KBTBD8: variants seen among roughly 807,000 people sequenced by gnomAD.
The protein encoded by KBTBD8 is kelch repeat and BTB domain-containing protein 8.
A neutral mutation model predicts 53.5 loss-of-function variants in KBTBD8; 31 were observed. The ratio of observed to expected loss-of-function variants is 0.58; its 90% confidence interval spans 0.44 to 0.78. The LOEUF is 0.78. Ranked by LOEUF, KBTBD8 falls within the 30% of genes least tolerant of loss-of-function variation. KBTBD8 has a pLI of 0.00. For synonymous variants in KBTBD8, 250 were observed against 247.3 expected (o/e 1.01, Z -0.10); for missense variants, 642 against 735.8 (o/e 0.87, Z 1.48).
Position 67,003,624 on chromosome 3 carries a change from G to A in KBTBD8, c.657G>A (p.Arg219=), listed in dbSNP as rs921616115. 1 of 1,613,958 alleles carries A rather than the reference G, an allele frequency of 6.2e-7. No individual in the cohort carries two copies. The highest frequency in any genetic ancestry group is 8.5e-7 in the Non-Finnish European group (1 of 1,179,990). ...AGCATGTTTATGAAAGCATTATAAG[G>A]TGGTTTGAGCATGAACAGAATGAAA... ...REEHVYESII[R]WFEHEQNERE... Residue 219 remains arginine, a synonymous_variant, in exon 3 of 4, where the codon AGG becomes AGA. Transcript: ENST00000417314.
Position 67,007,935 on chromosome 3 carries a change from C to A in KBTBD8, c.1356C>A (p.Leu452=). 6.9e-7 allele frequency: 1 copy of A among 1,451,916 alleles called. No individual in the cohort carries two copies. Among genetic ancestry groups the A allele is most frequent in the Non-Finnish European group, 9.1e-7 (1 of 1,093,136 alleles). The allele number at this position is 1,451,916 out of a possible 1,614,324, so 89.9% of individuals were successfully genotyped here. The change falls in exon 4 of 4, where the codon CTC becomes CTA. Residue 452 remains leucine, a synonymous_variant. Transcript: ENST00000417314. ...KIYVLQGEFF[L]FYEPQKDYWG... ...TTTTTTTTTTAGGAGAATTTTTTCTCTTCTATGAGCCTCAAAAAGACTACT... is the reference window on the plus strand; with the variant it reads ...TTTTTTTTTTAGGAGAATTTTTTCTATTCTATGAGCCTCAAAAAGACTACT...
At chr3:67,005,445 A>T (rs1459935704) in intron 3 of KBTBD8, among the ~76,000 whole-genome samples, 1 of 152,210 alleles carries the variant, frequency 6.6e-6, no homozygotes, top group Non-Finnish European at 1.5e-5. Flanking sequence ...AGTACTCAGT[A>T]CAGTCACATG....
Position 67,009,734 on chromosome 3 carries a change from T to C in KBTBD8, c.*1349T>C. 6.6e-6 allele frequency: 1 copy of C among 152,610 alleles called. No homozygotes were observed. The highest frequency in any genetic ancestry group is 1.5e-5 in the Non-Finnish European group (1 of 68,022). 9.5% of individuals were successfully genotyped at this position (152,610 alleles called of 1,614,324 possible). A position where few individuals can be genotyped will look rare whatever the true frequency, so the allele number is the denominator to read the frequency against. On this transcript the variant is annotated 3_prime_UTR_variant, in exon 4 of 4. Transcript: ENST00000417314. ...TAACATGAAGGATAAACCAACTTAT[T>C]TGTATACCTAAGGCAGGCATTTGGA...
intron 3 of KBTBD8, 27 bp from the exon 4 acceptor site, chr3:67,007,895 T>G: frequency 7.5e-7 from 1 of 1,332,484 alleles, no homozygotes; most frequent in Non-Finnish European, 1.0e-6. Flanking sequence ...AATTTACATA[T>G]TCTTGTTTTC....
chr3:67,004,803 T>G (rs543467922), intron 3 of KBTBD8, among the ~76,000 whole-genome samples: 47 of 152,342 alleles, frequency 3.1e-4, no homozygotes, highest in African/African-American at 1.1e-3. Flanking sequence ...GAGTTTTATA[T>G]AAGCCTTATT....
chr3:67,003,809 GA>G lies in KBTBD8; in HGVS notation c.844del (p.Met282Ter). Reference protein sequence around the residue: ...SNTNGCTQRLGMTASEMIICF... With the variant: ...SNTNGCTQRLXMTASEMIICF... Reference sequence around the variant, plus strand: ...ACCAATGGCTGTACACAGAGGCTTGGAATGACTGCTTCTGAAATGATCATAT... The same window carrying G: ...ACCAATGGCTGTACACAGAGGCTTGGATGACTGCTTCTGAAATGATCATAT... On this transcript the variant is annotated frameshift_variant, in exon 3 of 4. Transcript: ENST00000417314. LOFTEE classifies it high-confidence loss of function. 1 of 1,614,180 alleles carries G rather than the reference GA, an allele frequency of 6.2e-7. No homozygotes were observed. Among genetic ancestry groups the G allele is most frequent in the Non-Finnish European group, 8.5e-7 (1 of 1,180,026 alleles).
At chr3:66,998,464 T>G in intron 1 of KBTBD8, 93 bp downstream of exon 1, 2 of 1,015,696 alleles carry the variant, frequency 2.0e-6, no homozygotes, top group Non-Finnish European at 2.6e-6. Context: ...GACGTAGCGG[T>G]GCGGAGCTAG....
chr3:67,003,177 C>A lies in KBTBD8; in HGVS notation c.228-18C>A. On this transcript the variant is annotated intron_variant, in intron 2 of 3. Coordinates refer to ENST00000417314, the MANE Select transcript of KBTBD8 (RefSeq NM_032505.3). ...ATTTATAGCACACGTGTAATATTAACCACTCTTTCCTTCTTAGATCCATGT... is the reference window on the plus strand; with the variant it reads ...ATTTATAGCACACGTGTAATATTAAACACTCTTTCCTTCTTAGATCCATGT... The A allele has an allele frequency of 6.2e-7, 1 of 1,601,070 alleles. No homozygotes were observed.
intron 2 of KBTBD8, among the ~76,000 whole-genome samples, chr3:67,002,512 C>CTTTTTTTTTT (rs57174511): frequency 1.0e-4 from 9 of 90,372 alleles, no homozygotes; most frequent in African/African-American, 2.7e-4. Context: ...TATAGGTATT[C>CTTTTTTTTTT]TTTTTTTTTT....
At chr3:66,999,626 C>G (rs1436475876) in intron 2 of KBTBD8, among the ~76,000 whole-genome samples, 1 of 152,234 alleles carries the variant, frequency 6.6e-6, no homozygotes, top group African/African-American at 2.4e-5. Flanking sequence ...GCATTTTCAT[C>G]ATTGACAATT....
intron 1 of KBTBD8, 112 bp from the exon 2 acceptor site, chr3:66,998,869 A>G (rs998247447): frequency 1.2e-6 from 1 of 804,798 alleles, no homozygotes; most frequent in Non-Finnish European, 2.1e-6. Flanking sequence ...AGACATTTGT[A>G]TATATCTTGT....
chr3:67,010,954 C>G lies in KBTBD8; in HGVS notation c.*2569C>G, dbSNP rs1702111872. ...TTTTCCATCTTTGTTTTCTGTTCTA[C>G]AAAGTTGATGCTTAAGCATCAAGCT... On this transcript the variant is annotated 3_prime_UTR_variant, in exon 4 of 4. Coordinates refer to ENST00000417314, the MANE Select transcript of KBTBD8 (RefSeq NM_032505.3). 6.6e-6 allele frequency: 1 copy of G among 152,528 alleles called. No individual in the cohort carries two copies. The highest frequency in any genetic ancestry group is 2.1e-4 in the South Asian group (1 of 4,826). The allele number at this position is 152,528 out of a possible 1,614,324, so 9.4% of individuals were successfully genotyped here. A position where few individuals can be genotyped will look rare whatever the true frequency, so the allele number is the denominator to read the frequency against.
At chr3:67,007,073 T>C (rs1702069344) in intron 3 of KBTBD8, among the ~76,000 whole-genome samples, 2 of 152,206 alleles carry the variant, frequency 1.3e-5, no homozygotes, top group Admixed American at 6.5e-5. Context: ...TGAATATTTC[T>C]CTTTGCATTA....
chr3:67,001,374 A>T (rs1056197692), intron 2 of KBTBD8, among the ~76,000 whole-genome samples: 1 of 152,164 alleles, frequency 6.6e-6, no homozygotes, highest in African/African-American at 2.4e-5. Flanking sequence ...TGAAATTTGT[A>T]TGATTATTAG....
chr3:67,007,571 A>C (rs1262929626), intron 3 of KBTBD8, among the ~76,000 whole-genome samples: 1 of 152,030 alleles, frequency 6.6e-6, no homozygotes, highest in African/African-American at 2.4e-5. Context: ...CACCCGTCTC[A>C]GCCTCCCAAA....
intron 3 of KBTBD8, 143 bp downstream of exon 3, chr3:67,004,452 G>T: frequency 4.0e-6 from 3 of 740,902 alleles, no homozygotes. Flanking sequence ...AGTCTGTTCT[G>T]TAAAGAGCTA....
chr3:67,004,552 TATC>T (rs1292949560), intron 3 of KBTBD8, among the ~76,000 whole-genome samples: 3 of 152,262 alleles, frequency 2.0e-5, no homozygotes, highest in East Asian at 3.8e-4. Flanking sequence ...TGTGTCTTGA[TATC>T]ATGTAGAATA....
intron 3 of KBTBD8, among the ~76,000 whole-genome samples, chr3:67,007,566 G>A (rs746961507): frequency 7.9e-5 from 12 of 152,080 alleles, no homozygotes; most frequent in South Asian, 6.2e-4. Context: ...TAATCCACCC[G>A]TCTCAGCCTC....
At chr3:67,002,615 G>A (rs1408713963) in intron 2 of KBTBD8, among the ~76,000 whole-genome samples, 1 of 139,886 alleles carries the variant, frequency 7.1e-6, no homozygotes, top group Non-Finnish European at 1.5e-5. Context: ...CGATTCTCCT[G>A]CCTCAGCCTC....
Sources: gnomAD v4.1 joint callset for allele counts (sites outside exome capture counted in the v4.1 genomes callset) on GRCh38, gnomAD v4.1.1 for gene constraint, MANE v1.5 for transcripts, NCBI Gene and HGNC (gene_info 2026-07-23, HGNC 2026-07-21) for gene names.